PPP1R12A: variants seen among roughly 807,000 people sequenced by gnomAD.
PPP1R12A encodes myosin binding subunit.
PPP1R12A carries 19 observed loss-of-function variants against 139.6 expected under a neutral mutation model. The ratio of observed to expected loss-of-function variants is 0.14; its 90% confidence interval spans 0.09 to 0.20. The LOEUF is 0.20. Among genes scored for constraint, PPP1R12A ranks in the 10% least tolerant of loss-of-function variants. PPP1R12A has a pLI of 1.00. For synonymous variants in PPP1R12A, 427 were observed against 420.6 expected, an observed-to-expected ratio of 1.02 and a Z score of -0.19; for missense variants, 925 against 1,211.5, an observed-to-expected ratio of 0.76 and a Z score of 3.51.
intron 2 of PPP1R12A, among the ~76,000 whole-genome samples, chr12:79,866,323 A>C (rs1484229703): frequency 2.0e-5 from 3 of 152,230 alleles, no homozygotes; most frequent in South Asian, 2.1e-4. Context: ...AATCAACTCA[A>C]GATGGATCAA....
intron 4 of PPP1R12A, among the ~76,000 whole-genome samples, chr12:79,830,986 T>C (rs1877349559): frequency 6.6e-6 from 1 of 152,126 alleles, no homozygotes; most frequent in African/African-American, 2.4e-5. Context: ...TAAGAACTAA[T>C]AAAGGATTTT....
In PPP1R12A at chr12:79,797,420, A is replaced by G. The variant is rs758233341; in HGVS notation, c.2092-25T>C. 2.6e-6 allele frequency: 4 copies of G among 1,538,936 alleles called. No individual in the cohort carries two copies. In the Admixed American group the frequency reaches 8.5e-5, roughly 33 times the overall value. On this transcript the variant is annotated intron_variant, in intron 15 of 24. Coordinates refer to ENST00000450142, the MANE Select transcript of PPP1R12A (RefSeq NM_002480.3). ...CCTGCACACACAAAAAGATCAATATAATTATGAGATGCATTAAAGCTTGTT... is the reference window on the plus strand; with the variant it reads ...CCTGCACACACAAAAAGATCAATATGATTATGAGATGCATTAAAGCTTGTT...
chr12:79,875,848 C>T (rs1245855946), intron 1 of PPP1R12A, among the ~76,000 whole-genome samples: 1 of 152,108 alleles, frequency 6.6e-6, no homozygotes, highest in Non-Finnish European at 1.5e-5. Context: ...GGCTTAAACA[C>T]CAAGACAGTA....
intron 14 of PPP1R12A, among the ~76,000 whole-genome samples, chr12:79,800,837 C>A (rs1873038010): frequency 6.6e-6 from 1 of 151,514 alleles, no homozygotes; most frequent in African/African-American, 2.4e-5. Flanking sequence ...GGGTTCACAC[C>A]ATTCTCCTGC....
chr12:79,934,208 G>A (rs1888487258), intron 1 of PPP1R12A, among the ~76,000 whole-genome samples: 2 of 152,146 alleles, frequency 1.3e-5, no homozygotes, highest in Non-Finnish European at 2.9e-5. Flanking sequence ...ATCATCATTT[G>A]TAATCAAGTC....
chr12:79,821,372 T>C (rs1259456935), intron 6 of PPP1R12A, among the ~76,000 whole-genome samples: 1 of 152,186 alleles, frequency 6.6e-6, no homozygotes, highest in Non-Finnish European at 1.5e-5. Context: ...CATGCAGGGC[T>C]AAGATGGATT....
At chr12:79,880,795 G>A (rs1436530441) in intron 1 of PPP1R12A, among the ~76,000 whole-genome samples, 1 of 149,810 alleles carries the variant, frequency 6.7e-6, no homozygotes, top group African/African-American at 2.5e-5. Context: ...TTGTTTGTTT[G>A]TTTAAAATTT....
intron 1 of PPP1R12A, among the ~76,000 whole-genome samples, chr12:79,880,997 A>C (rs1883587327): frequency 6.6e-6 from 1 of 152,138 alleles, no homozygotes; most frequent in Non-Finnish European, 1.5e-5. Context: ...TTGGGGCGCC[A>C]TGAACCATAT....
In PPP1R12A at chr12:79,845,424, T is replaced by C; in HGVS notation, c.369-4A>G. ...TGCTCCTTGACCAATCAAAAACCTG[T>C]AAAACCAAAGGAAAAATAGTTAAGC... On this transcript the variant is annotated splice_region_variant and splice_polypyrimidine_tract_variant and intron_variant, in intron 2 of 24. Coordinates refer to ENST00000450142, the MANE Select transcript of PPP1R12A (RefSeq NM_002480.3). 6.3e-7 allele frequency: 1 copy of C among 1,586,470 alleles called. No individual in the cohort carries two copies. The highest frequency in any genetic ancestry group is 8.6e-7 in the Non-Finnish European group (1 of 1,161,712).
chr12:79,798,861 A>T (rs1872762739), intron 14 of PPP1R12A, among the ~76,000 whole-genome samples: 1 of 152,140 alleles, frequency 6.6e-6, no homozygotes, highest in Non-Finnish European at 1.5e-5. Context: ...ATGGAACCAC[A>T]TTTTTAAAAA....
intron 1 of PPP1R12A, among the ~76,000 whole-genome samples, chr12:79,911,681 AT>A (rs570766383): frequency 1.0e-3 from 154 of 147,116 alleles, no homozygotes; most frequent in African/African-American, 3.1e-3. Context: ...ACATATCATA[AT>A]TTTTTTTTTT....
chr12:79,810,549 G>A (rs965556903), intron 9 of PPP1R12A, among the ~76,000 whole-genome samples: 87 of 152,170 alleles, frequency 5.7e-4, no homozygotes, highest in African/African-American at 2.0e-3. Context: ...AAGAGACAAA[G>A]ATTGAAAGCA....
intron 4 of PPP1R12A, 75 bp downstream of exon 4, chr12:79,832,256 AG>A (rs1877519173): frequency 1.5e-6 from 2 of 1,343,896 alleles, no homozygotes; most frequent in Non-Finnish European, 2.0e-6. Context: ...TAACGTTTGC[AG>A]GTATTTTAAG....
Position 79,795,658 on chromosome 12 carries a change from C to T in PPP1R12A, c.2563G>A (p.Val855Ile), listed in dbSNP as rs749972421. Reference protein sequence around the residue: ...RPREKRRSTGVSFWTQDSDEN... With the variant: ...RPREKRRSTGISFWTQDSDEN... Reference sequence around the variant, plus strand: ...CTCACATCTTGTGTCCAAAATGAAACTCCTGTAGATCTTCTTTTCTCTCTT... The same window carrying T: ...CTCACATCTTGTGTCCAAAATGAAATTCCTGTAGATCTTCTTTTCTCTCTT... Residue 855 changes from valine (V) to isoleucine (I), a missense_variant, in exon 18 of 25, where the codon GTT becomes ATT. Coordinates refer to ENST00000450142, the MANE Select transcript of PPP1R12A (RefSeq NM_002480.3). 6.2e-7 allele frequency: 1 copy of T among 1,611,464 alleles called. No homozygotes were observed.
chr12:79,837,628 A>T (rs1878238229), intron 3 of PPP1R12A, among the ~76,000 whole-genome samples: 1 of 152,184 alleles, frequency 6.6e-6, no homozygotes. Context: ...ACCCAGTGGG[A>T]GGTAACTAAA....
At chr12:79,851,766 A>C (rs1050089943) in intron 2 of PPP1R12A, among the ~76,000 whole-genome samples, 3 of 152,214 alleles carry the variant, frequency 2.0e-5, no homozygotes, top group Admixed American at 6.5e-5. Flanking sequence ...ATCTGATGGC[A>C]TAGATGTTTG....
chr12:79,894,637 C>G (rs1390192285), intron 1 of PPP1R12A, among the ~76,000 whole-genome samples: 1 of 151,998 alleles, frequency 6.6e-6, no homozygotes, highest in Non-Finnish European at 1.5e-5. Flanking sequence ...ATATATAAAT[C>G]GTTGATATTG....
Position 79,897,034 on chromosome 12 carries a change from C to T in PPP1R12A, c.238-24096G>A, listed in dbSNP as rs183527003. ...CGATCCAGCAACCCCATTGCTGGGTCTATACCCCAAAGAAAACAAATTGTT... is the reference window on the plus strand; with the variant it reads ...CGATCCAGCAACCCCATTGCTGGGTTTATACCCCAAAGAAAACAAATTGTT... On this transcript the variant is annotated intron_variant, in intron 1 of 24. Coordinates refer to ENST00000450142, the MANE Select transcript of PPP1R12A (RefSeq NM_002480.3). Among the ~76,000 whole-genome samples the T allele has an allele frequency of 5.3e-3, 811 of 152,284 alleles. 15 individuals are homozygous for T. The highest frequency in any genetic ancestry group is 4.6e-3 in the Non-Finnish European group (315 of 68,008).
intron 22 of PPP1R12A, among the ~76,000 whole-genome samples, chr12:79,785,187 TGTAA>T (rs1870958695): frequency 6.6e-6 from 1 of 152,222 alleles, no homozygotes; most frequent in Non-Finnish European, 1.5e-5. Context: ...TGTATGACAC[TGTAA>T]GTTTTTATGA....
Sources: allele counts gnomAD v4.1 joint callset (sites outside exome capture counted in the v4.1 genomes callset), GRCh38; gene constraint gnomAD v4.1.1; transcripts MANE v1.5; gene names NCBI Gene and HGNC (gene_info 2026-07-23, HGNC 2026-07-21).